The following HMCN1 variants were observed in gnomAD, a reference collection of about 807,000 sequenced individuals.
HMCN1 encodes the protein hemicentin 1, also known as hemicentin-1.
Under a neutral mutation model 625.9 loss-of-function variants are expected in HMCN1, and 321 were observed. The observed-to-expected ratio is 0.51, with a 90% CI of 0.47 to 0.56. HMCN1 has a LOEUF of 0.56. HMCN1 is among the 20% of genes least tolerant of loss of function. The pLI is 0.00. For synonymous variants in HMCN1, 2,425 were observed against 2,417.6 expected (o/e 1.00, Z -0.09); for missense variants, 6,588 against 6,887.3 (o/e 0.96, Z 1.54).
At position 186,137,662 on chromosome 1, in the gene HMCN1, T is replaced by C. The variant is rs767192079; in HGVS notation, c.13747T>C (p.Cys4583Arg). The change falls in exon 88 of 107, where the codon TGT (cysteine) becomes CGT (arginine). Residue 4583 changes from cysteine to arginine, a missense_variant. This residue lies in a region of HMCN1 where 1,954 missense variants were observed against 2,013.1 expected (regional missense o/e 0.97). Transcript: ENST00000271588. ...AATGCGAAACTGTCAAAATAAGCCT[T>C]GTCCAGGTACACCTCCTTATTTAAC... ...LEMRNCQNKP[C>R]PVDGSWSEWS... 1.9e-5 allele frequency: 30 copies of C among 1,613,944 alleles called. No homozygotes were observed. The South Asian group carries it at 2.4e-4, about 13-fold the overall frequency.
At chr1:186,131,307 CATTAG>C (rs933368445) in intron 85 of HMCN1, among the ~76,000 whole-genome samples, 2 of 151,826 alleles carry the variant, frequency 1.3e-5, no homozygotes, top group African/African-American at 4.9e-5. Flanking sequence ...TTTACTTCAA[CATTAG>C]ATGTCATTTG....
In HMCN1 at chr1:185,952,083, C is replaced by T. The variant is rs1007487165; in HGVS notation, c.1829-10435C>T. ...CGTTTCAGGGTTGCTGCCAAACGAG[C>T]CATGAACTGGGCTGGATTTTTATAT... is the stretch of plus-strand genomic sequence containing the variant. On this transcript the variant is annotated intron_variant, in intron 11 of 106. Transcript: ENST00000271588. Among the ~76,000 whole-genome samples, 245 of 151,846 alleles carry T rather than the reference C, an allele frequency of 1.6e-3. 1 individual carries two copies. The highest frequency in any genetic ancestry group is 3.4e-3 in the Middle Eastern group (1 of 294).
chr1:185,788,914 G>C (rs1022071311), intron 1 of HMCN1, among the ~76,000 whole-genome samples: 1 of 151,994 alleles, frequency 6.6e-6, no homozygotes, highest in Non-Finnish European at 1.5e-5. Context: ...ATGTAATAAA[G>C]TAACAAATTC....
Position 186,153,917 on chromosome 1 carries a change from C to T in HMCN1, c.15186C>T (p.Ser5062=), listed in dbSNP as rs1650828987. ...MPFLVETLHA[S]SVESDYNQIE... ...TCTTGGTTGAAACACTTCATGCATC[C>T]TCTGTGGAATCTGACTATAACCAGA... Residue 5062 remains serine (S), a synonymous_variant, in exon 97 of 107, where the codon TCC becomes TCT. Coordinates refer to ENST00000271588, the MANE Select transcript of HMCN1 (RefSeq NM_031935.3). 1.2e-6 allele frequency: 2 copies of T among 1,613,972 alleles called. No individual in the cohort carries two copies. Among genetic ancestry groups the T allele is most frequent in the African/African-American group, 2.7e-5 (2 of 74,906 alleles).
At chr1:186,189,402 C>T in intron 106 of HMCN1, 110 bp from the exon 107 acceptor site, 4 of 1,139,988 alleles carry the variant, frequency 3.5e-6, no homozygotes, top group Non-Finnish European at 5.2e-6. Context: ...TACAGCCAGG[C>T]TGCCTACTGC....
At chr1:186,094,956 A>T (rs1252411147) in intron 67 of HMCN1, among the ~76,000 whole-genome samples, 3 of 152,160 alleles carry the variant, frequency 2.0e-5, no homozygotes, top group Admixed American at 1.3e-4. Flanking sequence ...CATTACAACA[A>T]GTTAAAGGGA....
intron 80 of HMCN1, among the ~76,000 whole-genome samples, chr1:186,121,659 C>T (rs950937992): frequency 1.3e-5 from 2 of 151,998 alleles, no homozygotes; most frequent in Non-Finnish European, 2.9e-5. Context: ...TATTAGAAAT[C>T]CTAGTGGAGA....
Position 186,089,159 on chromosome 1 carries a change from AG to A in HMCN1, c.9727+406del, listed in dbSNP as rs1449655294. ...ACTATGATCTGACCGCAGGTAGATT[AG>A]GTAAATTTTAATGAATGATGAATCT... On this transcript the variant is annotated intron_variant, in intron 63 of 106. Transcript: ENST00000271588. 2.0e-5 allele frequency among the ~76,000 whole-genome samples: 3 copies of A among 152,032 alleles called. 1 individual carries two copies. Among genetic ancestry groups the A allele is most frequent in the Admixed American group, 2.0e-4 (3 of 15,224 alleles).
intron 84 of HMCN1, 91 bp downstream of exon 84, chr1:186,130,191 C>T: frequency 6.5e-7 from 1 of 1,540,738 alleles, no homozygotes; most frequent in East Asian, 2.3e-5. Context: ...TAAAATATAA[C>T]TTCAAGTTTT....
intron 97 of HMCN1, among the ~76,000 whole-genome samples, chr1:186,159,295 C>T (rs1391018718): frequency 2.0e-5 from 3 of 152,166 alleles, no homozygotes; most frequent in Non-Finnish European, 4.4e-5. Flanking sequence ...GCTGAAGTTG[C>T]TTATCAGCTT....
rs1199188082 is a variant in HMCN1, at chr1:186,145,882, A to T, written c.14567A>T (p.Asp4856Val). Residue 4856 changes from aspartate to valine, a missense_variant, in exon 93 of 107, where the codon GAC (aspartate) becomes GTC (valine). Coordinates refer to ENST00000271588, the MANE Select transcript of HMCN1 (RefSeq NM_031935.3). ...AAAGGTGGCCGTCCCTGTCCCGGAG[A>T]CACTACTCAGGTGACCAGGTGCAAT... is the stretch of plus-strand genomic sequence containing the variant. ...PVKGGRPCPGDTTQVTRCNVQ... is the reference protein window; with the variant it reads ...PVKGGRPCPGVTTQVTRCNVQ... The T allele has an allele frequency of 6.2e-7, 1 of 1,614,044 alleles. No individual in the cohort carries two copies. The highest frequency in any genetic ancestry group is 1.7e-5 in the Admixed American group (1 of 60,006).
At chr1:185,938,436 G>T (rs1334235308) in intron 11 of HMCN1, among the ~76,000 whole-genome samples, 2 of 151,872 alleles carry the variant, frequency 1.3e-5, no homozygotes, top group East Asian at 3.9e-4. Flanking sequence ...AATTGCAGTG[G>T]ATATTTGTTA....
chr1:186,124,538 G>A (rs552817890), intron 81 of HMCN1, among the ~76,000 whole-genome samples: 1 of 152,052 alleles, frequency 6.6e-6, no homozygotes, highest in South Asian at 2.1e-4. Context: ...TTAAAAATGA[G>A]TATTTACGAT....
At chr1:186,050,463 A>G (rs992387480) in intron 42 of HMCN1, among the ~76,000 whole-genome samples, 5 of 151,970 alleles carry the variant, frequency 3.3e-5, no homozygotes, top group Non-Finnish European at 7.4e-5. Context: ...TAAGAAACTG[A>G]GAAGGAAGAG....
intron 11 of HMCN1, among the ~76,000 whole-genome samples, chr1:185,944,169 A>G (rs1668219004): frequency 1.3e-5 from 2 of 152,294 alleles, no homozygotes; most frequent in African/African-American, 4.8e-5. Flanking sequence ...TGGGAAAAAA[A>G]AAAGAAAATA....
At chr1:185,885,017 G>C (rs1664546570) in intron 4 of HMCN1, among the ~76,000 whole-genome samples, 3 of 150,960 alleles carry the variant, frequency 2.0e-5, no homozygotes, top group African/African-American at 7.3e-5. Flanking sequence ...TAATTAAAAA[G>C]AAAAATTACA....
intron 91 of HMCN1, among the ~76,000 whole-genome samples, chr1:186,144,968 A>G (rs1424406240): frequency 2.6e-5 from 4 of 152,192 alleles, no homozygotes; most frequent in Non-Finnish European, 4.4e-5. Context: ...CTAACTCTTC[A>G]TGATGCTTAC....
At chr1:186,001,970 G>T (rs899968655) in intron 28 of HMCN1, among the ~76,000 whole-genome samples, 1 of 151,968 alleles carries the variant, frequency 6.6e-6, no homozygotes, top group Non-Finnish European at 1.5e-5. Context: ...ATATACAGTA[G>T]TATCAAATAC....
chr1:186,080,704 A>G (rs74136019), intron 55 of HMCN1, among the ~76,000 whole-genome samples: 3,797 of 152,244 alleles, frequency 0.025, 162 homozygotes, highest in African/African-American at 0.086. Flanking sequence ...TGATGCTGAT[A>G]CCACTGGTGC....
Sources: gnomAD v4.1 joint callset for allele counts (sites outside exome capture counted in the v4.1 genomes callset) on GRCh38, gnomAD v4.1.1 for gene constraint, gnomAD v4.1.1 regional missense constraint, MANE v1.5 for transcripts, NCBI Gene and HGNC (gene_info 2026-07-23, HGNC 2026-07-21) for gene names.